CDH13: variants seen among roughly 807,000 people sequenced by gnomAD.
CDH13 encodes cadherin 13, also known as cadherin-13.
A neutral mutation model predicts 63.8 loss-of-function variants in CDH13; 24 were observed. The ratio of observed to expected loss-of-function variants is 0.38; its 90% CI spans 0.27 to 0.53. CDH13 has a LOEUF of 0.53. Among genes scored for constraint, CDH13 ranks in the 20% least tolerant of loss-of-function variants. The pLI is 0.85. For missense variants in CDH13, 1,049 were observed against 903.1 expected, an observed-to-expected ratio of 1.16 and a Z score of -2.07; for synonymous variants, 503 against 355.3, an observed-to-expected ratio of 1.42 and a Z score of -4.67.
intron 1 of CDH13, among the ~76,000 whole-genome samples, chr16:82,699,496 T>C (rs536679646): frequency 3.9e-5 from 6 of 152,342 alleles, no homozygotes; most frequent in African/African-American, 1.2e-4. Context: ...CCATTTCCCT[T>C]GCTCCACTTC....
chr16:83,654,508 G>C (rs1004170195), intron 8 of CDH13, among the ~76,000 whole-genome samples: 4 of 152,014 alleles, frequency 2.6e-5, no homozygotes, highest in Admixed American at 1.3e-4. Context: ...CGGGATCAGG[G>C]GCCAAGAGGA....
At chr16:82,629,074 C>T (rs1026109277) in intron 1 of CDH13, among the ~76,000 whole-genome samples, 1 of 152,210 alleles carries the variant, frequency 6.6e-6, no homozygotes, top group Non-Finnish European at 1.5e-5. Flanking sequence ...AACCTCAGTT[C>T]ATATTCCAGG....
chr16:83,364,259 C>G (rs911272175), intron 6 of CDH13, among the ~76,000 whole-genome samples: 1 of 152,100 alleles, frequency 6.6e-6, no homozygotes. Context: ...GCCTGTGGAT[C>G]TACCCAGAAC....
intron 5 of CDH13, among the ~76,000 whole-genome samples, chr16:83,245,283 A>G (rs1280440746): frequency 2.0e-5 from 3 of 152,212 alleles, no homozygotes; most frequent in Non-Finnish European, 4.4e-5. Context: ...AACAACCACA[A>G]GAAGTTCTCG....
chr16:83,213,606 T>C (rs892996949), intron 4 of CDH13, among the ~76,000 whole-genome samples: 3 of 152,214 alleles, frequency 2.0e-5, no homozygotes, highest in African/African-American at 7.2e-5. Flanking sequence ...TTCATAGCTC[T>C]TGTAGAATTC....
At chr16:82,967,531 G>A (rs8062451) in intron 2 of CDH13, among the ~76,000 whole-genome samples, 69,356 of 151,924 alleles carry the variant, frequency 0.46, 16,075 homozygotes, top group African/African-American at 0.51. Context: ...TGCATTAAGT[G>A]CCCATTTCCC....
chr16:82,970,485 C>T (rs1292074567), intron 2 of CDH13, among the ~76,000 whole-genome samples: 3 of 120,230 alleles, frequency 2.5e-5, no homozygotes, highest in African/African-American at 5.4e-5. Context: ...CTGCAAGCTC[C>T]ACTTCCCGGG....
chr16:83,066,697 C>T (rs567467494), intron 3 of CDH13, among the ~76,000 whole-genome samples: 30 of 152,282 alleles, frequency 2.0e-4, no homozygotes, highest in African/African-American at 5.8e-4. Flanking sequence ...AAAGTCCAAA[C>T]GATCAGCAAA....
chr16:82,972,133 T>G (rs565736504), intron 2 of CDH13, among the ~76,000 whole-genome samples: 9 of 151,848 alleles, frequency 5.9e-5, no homozygotes, highest in African/African-American at 2.2e-4. Context: ...AAATTGAAAT[T>G]TGGGGACACT....
intron 5 of CDH13, among the ~76,000 whole-genome samples, chr16:83,272,457 A>C (rs1017584321): frequency 6.6e-6 from 1 of 152,190 alleles, no homozygotes; most frequent in Non-Finnish European, 1.5e-5. Context: ...TTACTACTTA[A>C]TACCACACGG....
intron 1 of CDH13, among the ~76,000 whole-genome samples, chr16:82,852,423 C>G (rs1312729769): frequency 6.6e-6 from 1 of 152,166 alleles, no homozygotes; most frequent in Admixed American, 6.5e-5. Flanking sequence ...TTGGATGACT[C>G]TGCCACCTTG....
At chr16:83,645,855 A>G (rs1911741303) in intron 8 of CDH13, among the ~76,000 whole-genome samples, 1 of 152,208 alleles carries the variant, frequency 6.6e-6, no homozygotes, top group Admixed American at 6.5e-5. Context: ...TAAAAAAGTC[A>G]AAAAGATCCT....
chr16:82,841,031 C>A (rs113350778), intron 1 of CDH13, among the ~76,000 whole-genome samples: 4 of 152,200 alleles, frequency 2.6e-5, no homozygotes, highest in African/African-American at 9.7e-5. Context: ...AGCAGTGCAA[C>A]TGTGATGACA....
chr16:82,983,673 G>C (rs1476374431), intron 2 of CDH13, among the ~76,000 whole-genome samples: 1 of 152,202 alleles, frequency 6.6e-6, no homozygotes, highest in Non-Finnish European at 1.5e-5. Flanking sequence ...ATTGCCTGGA[G>C]ATTTGGGAAC....
intron 1 of CDH13, chr16:82,704,994 G>A (rs1305107313): frequency 8.2e-5 from 30 of 364,808 alleles, no homozygotes; most frequent in Non-Finnish European, 1.5e-4. Context: ...TGCCTCATGA[G>A]GAAGGTGAAT....
chr16:83,158,811 G>C (rs2037326893), intron 4 of CDH13, among the ~76,000 whole-genome samples: 1 of 152,236 alleles, frequency 6.6e-6, no homozygotes, highest in Non-Finnish European at 1.5e-5. Flanking sequence ...CTGGCCCATG[G>C]TAGCCAGGAA....
intron 6 of CDH13, among the ~76,000 whole-genome samples, chr16:83,407,613 C>A (rs570774922): frequency 6.6e-6 from 1 of 152,034 alleles, no homozygotes; most frequent in Non-Finnish European, 1.5e-5. Context: ...TTCAAATATA[C>A]CTAAAGAAGG....
chr16:83,218,846 C>T (rs886820327), intron 5 of CDH13, among the ~76,000 whole-genome samples: 8 of 152,072 alleles, frequency 5.3e-5, no homozygotes, highest in African/African-American at 1.7e-4. Flanking sequence ...GAGTCTTTCT[C>T]GTGCTGTTCT....
At chr16:83,275,325 C>T (rs547668129) in intron 5 of CDH13, among the ~76,000 whole-genome samples, 41 of 152,290 alleles carry the variant, frequency 2.7e-4, no homozygotes, top group Admixed American at 1.3e-4. Flanking sequence ...AGCCATCATA[C>T]TTTCTGTCCA....
Sources: allele counts gnomAD v4.1 joint callset (sites outside exome capture counted in the v4.1 genomes callset), GRCh38; gene constraint gnomAD v4.1.1; transcripts MANE v1.5; gene names NCBI Gene and HGNC (gene_info 2026-07-23, HGNC 2026-07-21).